Variants in MS4A3 observed in about 807,000 individuals in gnomAD.
MS4A3 encodes the protein membrane spanning 4-domains A3, also known as membrane-spanning 4-domains subfamily A member 3.
A neutral mutation model predicts 24.7 loss-of-function variants in MS4A3; 18 were observed. The ratio of observed to expected loss-of-function variants is 0.73; its 90% CI spans 0.50 to 1.08. MS4A3 has a LOEUF of 1.08. MS4A3 is among the 50% of genes least tolerant of loss of function. The pLI is 0.00. For missense variants in MS4A3, 282 were observed against 251.7 expected (o/e 1.12, Z -0.82); for synonymous variants, 84 against 95.3 (o/e 0.88, Z 0.69).
intron 3 of MS4A3, among the ~76,000 whole-genome samples, chr11:60,063,620 T>G (rs1855312643): frequency 6.6e-6 from 1 of 152,238 alleles, no homozygotes; most frequent in Non-Finnish European, 1.5e-5. Context: ...GTCTGTTTAC[T>G]CTGCTGACTG....
rs893294126 is a variant in MS4A3, at chr11:60,070,334, G to A, written c.*101G>A. 4.7e-5 allele frequency: 44 copies of A among 943,588 alleles called. No individual in the cohort carries two copies. The highest frequency in any genetic ancestry group is 8.3e-5 in the Admixed American group (4 of 48,304). The allele number at this position is 943,588 out of a possible 1,614,324, so 58.5% of individuals were successfully genotyped here. On this transcript the variant is annotated 3_prime_UTR_variant, in exon 7 of 7. Coordinates refer to ENST00000278865, the MANE Select transcript of MS4A3 (RefSeq NM_006138.5). ...AACTCAGGAGAACATAAGCCTGCTC[G>A]TAAAGCTCAATCCTTCTATCATGGC...
At chr11:60,066,089 A>G (rs143463271) in intron 4 of MS4A3, among the ~76,000 whole-genome samples, 7 of 152,270 alleles carry the variant, frequency 4.6e-5, no homozygotes, top group African/African-American at 1.4e-4. Flanking sequence ...TCCCAGACCA[A>G]ACACCTTAGA....
At chr11:60,057,979 T>G (rs535051564) in intron 1 of MS4A3, among the ~76,000 whole-genome samples, 69 of 152,248 alleles carry the variant, frequency 4.5e-4, no homozygotes, top group African/African-American at 1.6e-3. Flanking sequence ...ATTGAACATG[T>G]GTGTTAACTG....
At chr11:60,059,862 GGT>G (rs1347923876) in intron 1 of MS4A3, among the ~76,000 whole-genome samples, 1 of 152,084 alleles carries the variant, frequency 6.6e-6, no homozygotes, top group African/African-American at 2.4e-5. Flanking sequence ...TGTGTTTTAT[GGT>G]AGAATGATTT....
chr11:60,070,148 G>C, intron 6 of MS4A3, 56 bp from the exon 7 acceptor site: 1 of 1,399,716 alleles, frequency 7.1e-7, no homozygotes, highest in Non-Finnish European at 1.0e-6. Context: ...GAAGGGATGG[G>C]AGGAGAAGGA....
At chr11:60,057,436 G>A (rs941318780) in intron 1 of MS4A3, among the ~76,000 whole-genome samples, 10 of 151,698 alleles carry the variant, frequency 6.6e-5, no homozygotes, top group African/African-American at 9.7e-5. Flanking sequence ...ACAGAGTCTC[G>A]CTCTGTCACC....
chr11:60,061,511 G>A (rs1255967279), intron 2 of MS4A3, 195 bp downstream of exon 2: 6 of 685,958 alleles, frequency 8.7e-6, no homozygotes, highest in Admixed American at 2.1e-5. Context: ...TGAAGAGGAT[G>A]AGGATGAAGA....
At chr11:60,062,168 T>A (rs1461636700) in intron 2 of MS4A3, among the ~76,000 whole-genome samples, 3 of 152,196 alleles carry the variant, frequency 2.0e-5, no homozygotes, top group Non-Finnish European at 2.9e-5. Context: ...GAAGAGACTT[T>A]GACTCCATCT....
At chr11:60,064,098 A>C (rs1179084574) in intron 3 of MS4A3, among the ~76,000 whole-genome samples, 164 bp from the exon 4 acceptor site, 1 of 151,728 alleles carries the variant, frequency 6.6e-6, no homozygotes, top group Non-Finnish European at 1.5e-5. Flanking sequence ...TAAATAAATA[A>C]ATAAAGTGAG....
intron 3 of MS4A3, 43 bp from the exon 4 acceptor site, chr11:60,064,219 A>G (rs1300626407): frequency 4.0e-6 from 6 of 1,502,710 alleles, no homozygotes; most frequent in Non-Finnish European, 1.8e-6. Context: ...AATGGTTGAG[A>G]CTTAATATTC....
chr11:60,067,157 A>G, intron 5 of MS4A3, 45 bp downstream of exon 5: 2 of 1,440,314 alleles, frequency 1.4e-6, no homozygotes, highest in Non-Finnish European at 1.9e-6. Flanking sequence ...ATTTCAAACA[A>G]TCCAGGATGT....
rs1855462620 is a variant in MS4A3 at position 60,070,759 on chromosome 11, A to G, written c.*526A>G. On this transcript the variant is annotated 3_prime_UTR_variant, in exon 7 of 7. Transcript: ENST00000278865. Reference sequence around the variant, plus strand: ...TATCATTAAAATAAATTTTCACTGTATTTGAGATGGGAGGGTTAAGGCTCA... The same window carrying G: ...TATCATTAAAATAAATTTTCACTGTGTTTGAGATGGGAGGGTTAAGGCTCA... The G allele has an allele frequency of 6.6e-6, 1 of 152,666 alleles. No homozygotes were observed. The highest frequency in any genetic ancestry group is 2.4e-5 in the African/African-American group (1 of 41,432). 9.5% of individuals were successfully genotyped at this position (152,666 alleles called of 1,614,324 possible).
chr11:60,064,027 T>A (rs535267540), intron 3 of MS4A3, among the ~76,000 whole-genome samples: 92 of 150,894 alleles, frequency 6.1e-4, no homozygotes, highest in African/African-American at 2.1e-3. Flanking sequence ...ATAAAAAAAA[T>A]TTAAAAAATA....
At chr11:60,066,494 C>T (rs1166444209) in intron 4 of MS4A3, among the ~76,000 whole-genome samples, 1 of 152,154 alleles carries the variant, frequency 6.6e-6, no homozygotes, top group African/African-American at 2.4e-5. Context: ...CGCCCTTGAC[C>T]CCTTTGCTGC....
intron 1 of MS4A3, among the ~76,000 whole-genome samples, chr11:60,058,121 A>T (rs539181097): frequency 6.6e-6 from 1 of 152,260 alleles, no homozygotes; most frequent in South Asian, 2.1e-4. Context: ...AAGTTGAGGA[A>T]ATTTTGAGAG....
chr11:60,057,499 G>T (rs1258087965), intron 1 of MS4A3, among the ~76,000 whole-genome samples: 2 of 152,118 alleles, frequency 1.3e-5, no homozygotes, highest in Non-Finnish European at 2.9e-5. Flanking sequence ...CCGCCTCATG[G>T]GTTCAAACAA....
chr11:60,066,195 A>C (rs75868912), intron 4 of MS4A3, among the ~76,000 whole-genome samples: 3,665 of 152,154 alleles, frequency 0.024, 123 homozygotes, highest in East Asian at 0.12. Flanking sequence ...TCCAGTTTTG[A>C]CCTTTTCTTA....
At chr11:60,059,257 CAGAGT>C (rs1471698962) in intron 1 of MS4A3, among the ~76,000 whole-genome samples, 1 of 151,920 alleles carries the variant, frequency 6.6e-6, no homozygotes, top group African/African-American at 2.4e-5. Flanking sequence ...TACACACCCC[CAGAGT>C]AGAGTATCAG....
Position 60,070,557 on chromosome 11 carries a change from C to T in MS4A3, c.*324C>T, listed in dbSNP as rs541387889. ...TTCTTCTTATCCACCTACTCCATTG[C>T]TTTATGAGGTTTAAGGAAGGAAGGC... On this transcript the variant is annotated 3_prime_UTR_variant, in exon 7 of 7. Transcript: ENST00000278865. 5.2e-5 allele frequency: 13 copies of T among 251,278 alleles called. No individual in the cohort carries two copies. Among genetic ancestry groups the T allele is most frequent in the Middle Eastern group, 1.2e-3 (1 of 854 alleles). The allele number at this position is 251,278 out of a possible 1,614,324, so 15.6% of individuals were successfully genotyped here. A position where few individuals can be genotyped will look rare whatever the true frequency, so the allele number is the denominator to read the frequency against.
Sources: gnomAD v4.1 joint callset for allele counts (sites outside exome capture counted in the v4.1 genomes callset) on GRCh38, gnomAD v4.1.1 for gene constraint, MANE v1.5 for transcripts, NCBI Gene and HGNC (gene_info 2026-07-23, HGNC 2026-07-21) for gene names.